CLIP1: variants seen among roughly 807,000 people sequenced by gnomAD.
CLIP1 encodes CAP-Gly domain containing linker protein 1, also known as CAP-Gly domain-containing linker protein 1.
A neutral mutation model predicts 161.6 loss-of-function variants in CLIP1; 66 were observed. The observed-to-expected ratio is 0.41, with a 90% CI of 0.33 to 0.50. The LOEUF is 0.50. Among genes scored for constraint, CLIP1 ranks in the 20% least tolerant of loss-of-function variants. CLIP1 has a pLI of 0.27. For synonymous variants in CLIP1, 598 were observed against 626.2 expected, an observed-to-expected ratio of 0.96 and a Z score of 0.67; for missense variants, 1,376 against 1,702.0, an observed-to-expected ratio of 0.81 and a Z score of 3.37.
At chr12:122,288,589 A>C (rs780069967) in intron 20 of CLIP1, 48 bp from the exon 21 acceptor site, 5 of 1,543,592 alleles carry the variant, frequency 3.2e-6, no homozygotes, top group Non-Finnish European at 4.4e-6. Flanking sequence ...GGCCACAGAA[A>C]GGCATATTTC....
Position 122,334,097 on chromosome 12 carries a change from C to T in CLIP1, c.2640G>A (p.Lys880=). 1.2e-6 allele frequency: 2 copies of T among 1,607,930 alleles called. No individual in the cohort carries two copies. Among genetic ancestry groups the T allele is most frequent in the South Asian group, 1.1e-5 (1 of 90,830 alleles). ...TAAACTGTTCCTCCTTTTGGTGTAA[C>T]TTATTTACAGTTTCTATTTAGGATA... The part of the protein sequence containing the change: ...VQRSMQETVN[K]LHQKEEQFNM... The change falls in exon 14 of 26, where the codon AAG becomes AAA. Residue 880 remains lysine, a synonymous_variant. Transcript: ENST00000620786.
Position 122,330,597 on chromosome 12 carries a change from G to GTTTTTTTTTTTTTGTTTTTTTTT in CLIP1, c.2868-2172_2868-2171insAAAAAAAAACAAAAAAAAAAAAA, listed in dbSNP as rs1555265518. ...TTCAGCACTGAAGAAGTATAATGCA[G>GTTTTTTTTTTTTTGTTTTTTTTT]TTTTTTTTTTTTTTTTTTTTGAGAT... On this transcript the variant is annotated intron_variant, in intron 15 of 25. Coordinates refer to ENST00000620786, the MANE Select transcript of CLIP1 (RefSeq NM_001247997.2). 1.5e-3 allele frequency among the ~76,000 whole-genome samples: 147 copies of GTTTTTTTTTTTTTGTTTTTTTTT among 101,354 alleles called. 13 individuals carry two copies. The highest frequency in any genetic ancestry group is 5.5e-3 in the African/African-American group (125 of 22,754). The allele number at this position is 101,354 out of a possible 152,430, so 66.5% of individuals were successfully genotyped here. A position where few individuals can be genotyped will look rare whatever the true frequency, so the allele number is the denominator to read the frequency against.
At position 122,279,261 on chromosome 12, in the gene CLIP1, A is replaced by C; in HGVS notation, c.3648-116T>G. On this transcript the variant is annotated intron_variant, in intron 21 of 25. Coordinates refer to ENST00000620786, the MANE Select transcript of CLIP1 (RefSeq NM_001247997.2). This position sits in a 1 kb window ranked among gnomAD's most constrained non-coding sequence, Gnocchi z 4.5. ...GTTAATGTAAAAAAAAAAATATAAC[A>C]GGGAAGTTTTATAGGGAGTTAAGGC... 1.4e-6 allele frequency: 1 copy of C among 697,468 alleles called. No individual in the cohort carries two copies. 43.2% of individuals were successfully genotyped at this position (697,468 alleles called of 1,614,324 possible).
intron 5 of CLIP1, among the ~76,000 whole-genome samples, chr12:122,358,745 A>T (rs939245812): frequency 5.4e-5 from 2 of 36,798 alleles, no homozygotes; most frequent in Non-Finnish European, 1.1e-4. Flanking sequence ...AGTTGACTTT[A>T]AAAAAAAAAA....
rs1477124789 is a variant in CLIP1, at chr12:122,410,290, C to T, written c.-107+12231G>A. Among the ~76,000 whole-genome samples, 3 of 152,074 alleles carry T rather than the reference C, an allele frequency of 2.0e-5. 1 individual carries two copies. The East Asian group carries it at 5.8e-4, about 29-fold the overall frequency. On this transcript the variant is annotated intron_variant, in intron 1 of 25. Transcript: ENST00000620786. ...GGCTAGTACCTCCCTATAGTAGATG[C>T]TTAATAAATATCTGCTAAATATAGA...
In CLIP1 at chr12:122,279,243, TAAA is replaced by T; in HGVS notation, c.3648-101_3648-99del. 1 of 635,292 alleles carries T rather than the reference TAAA, an allele frequency of 1.6e-6. No homozygotes were observed. 39.4% of individuals were successfully genotyped at this position (635,292 alleles called of 1,614,324 possible). On this transcript the variant is annotated intron_variant, in intron 21 of 25. Transcript: ENST00000620786. The surrounding 1 kb of genome is among the most constrained non-coding windows in gnomAD (Gnocchi z 4.5). ...AACACATAATTAATGTTAGTTAATGTAAAAAAAAAAATATAACAGGGAAGTTTT... is the reference window on the plus strand; with the variant it reads ...AACACATAATTAATGTTAGTTAATGTAAAAAAAATATAACAGGGAAGTTTT...
In CLIP1 at chr12:122,333,023, A is replaced by G. The variant is rs753674361; in HGVS notation, c.2831T>C (p.Leu944Pro). 2 of 1,613,360 alleles carry G rather than the reference A, an allele frequency of 1.2e-6. No individual in the cohort carries two copies. Among genetic ancestry groups the G allele is most frequent in the African/African-American group, 2.7e-5 (2 of 74,868 alleles). Residue 944 changes from leucine to proline, a missense_variant, in exon 15 of 26, where the codon CTG (leucine) becomes CCG (proline). Physicochemically the swap from Leu to Pro is moderately conservative, Grantham distance 98 (BLOSUM62 -3). Transcript: ENST00000620786. ...MKMSGDNSSQ[L>P]TKMNDELRLK... The stretch of plus-strand genomic sequence containing the variant: ...ACGTAATTCATCGTTCATTTTTGTC[A>G]GCTGAGAAGAGTTATCTCCTGACAT...
chr12:122,415,294 A>G (rs1956703486), intron 1 of CLIP1, among the ~76,000 whole-genome samples: 1 of 150,542 alleles, frequency 6.6e-6, no homozygotes, highest in Non-Finnish European at 1.5e-5. Context: ...ATCCTGGCCA[A>G]CACAGTGAAA....
chr12:122,300,159 A>G (rs944670513), intron 20 of CLIP1, among the ~76,000 whole-genome samples: 7 of 151,998 alleles, frequency 4.6e-5, no homozygotes, highest in Non-Finnish European at 8.8e-5. Flanking sequence ...GGTCCCAACT[A>G]CCTGGGAGGC....
intron 1 of CLIP1, among the ~76,000 whole-genome samples, chr12:122,408,519 T>C (rs1337119026): frequency 1.3e-5 from 2 of 151,766 alleles, no homozygotes; most frequent in Admixed American, 6.6e-5. Context: ...AGGCTAATTT[T>C]TTGTATTTTT....
At chr12:122,422,051 CG>C in intron 1 of CLIP1, among the ~76,000 whole-genome samples, 1 of 152,274 alleles carries the variant, frequency 6.6e-6, no homozygotes, top group Middle Eastern at 3.4e-3. Flanking sequence ...TCGCGGGCGC[CG>C]GGCACCCGGG....
chr12:122,304,684 T>C (rs545930325), intron 20 of CLIP1, among the ~76,000 whole-genome samples: 175 of 152,334 alleles, frequency 1.1e-3, no homozygotes, highest in East Asian at 3.9e-4. Flanking sequence ...TAAAAGTTTA[T>C]AGCATGAAGT....
At chr12:122,284,666 T>C (rs930349829) in intron 21 of CLIP1, among the ~76,000 whole-genome samples, 1 of 152,208 alleles carries the variant, frequency 6.6e-6, no homozygotes, top group Non-Finnish European at 1.5e-5. Flanking sequence ...TCCATCTTTT[T>C]AAGCCATGAA....
chr12:122,382,269 G>C (rs988200834), intron 1 of CLIP1, among the ~76,000 whole-genome samples: 1 of 148,148 alleles, frequency 6.8e-6, no homozygotes, highest in Non-Finnish European at 1.5e-5. Flanking sequence ...GCTGCAGCAG[G>C]AGAACTGCTT....
chr12:122,412,262 C>G (rs1187555107), intron 1 of CLIP1, among the ~76,000 whole-genome samples: 1 of 150,716 alleles, frequency 6.6e-6, no homozygotes, highest in Non-Finnish European at 1.5e-5. Flanking sequence ...TGGAGTTTTG[C>G]CATGTTGCCC....
At chr12:122,384,358 G>T (rs1955141084) in intron 1 of CLIP1, among the ~76,000 whole-genome samples, 1 of 152,174 alleles carries the variant, frequency 6.6e-6, no homozygotes, top group South Asian at 2.1e-4. Context: ...AACTGCCTGT[G>T]TATCAGGCTT....
intron 20 of CLIP1, among the ~76,000 whole-genome samples, chr12:122,298,948 C>T (rs557614455): frequency 5.9e-5 from 9 of 152,164 alleles, no homozygotes; most frequent in South Asian, 2.1e-4. Flanking sequence ...GGTGAGACTC[C>T]GTCTCAAAAA....
At chr12:122,361,747 C>T (rs957733366) in intron 4 of CLIP1, among the ~76,000 whole-genome samples, 4 of 152,130 alleles carry the variant, frequency 2.6e-5, no homozygotes. Context: ...AGGAGGCTCT[C>T]TTGAGCCCAA....
At chr12:122,353,493 T>C (rs952437748) in intron 7 of CLIP1, among the ~76,000 whole-genome samples, 5 of 152,168 alleles carry the variant, frequency 3.3e-5, no homozygotes, top group African/African-American at 9.7e-5. Context: ...CATGTGCCTG[T>C]GTCCTAGCTA....
Sources: allele counts gnomAD v4.1 joint callset (sites outside exome capture counted in the v4.1 genomes callset), GRCh38; gene constraint gnomAD v4.1.1; non-coding constraint Gnocchi (gnomAD v3.1); transcripts MANE v1.5; gene names NCBI Gene and HGNC (gene_info 2026-07-23, HGNC 2026-07-21).